CASZ1: variants seen among roughly 807,000 people sequenced by gnomAD.
CASZ1 encodes the protein castor zinc finger 1.
A neutral mutation model predicts 135.2 loss-of-function variants in CASZ1; 28 were observed. That is an observed-to-expected ratio of 0.21 (90% CI 0.15 to 0.28). CASZ1 has a LOEUF of 0.28. CASZ1 is among the 10% of genes least tolerant of loss of function. The pLI is 1.00. For missense variants in CASZ1, 2,161 were observed against 2,453.3 expected, an observed-to-expected ratio of 0.88 and a Z score of 2.52; for synonymous variants, 1,068 against 1,073.4, an observed-to-expected ratio of 0.99 and a Z score of 0.10.
rs1053146656 is a variant in CASZ1 at position 10,763,145 on chromosome 1, T to C, written c.-233-2288A>G. 3.9e-5 allele frequency among the ~76,000 whole-genome samples: 6 copies of C among 152,180 alleles called. No homozygotes were observed. In the East Asian group the frequency reaches 1.2e-3, roughly 29 times the overall value. On this transcript the variant is annotated intron_variant, in intron 1 of 20. Transcript: ENST00000377022. Reference sequence around the variant, plus strand: ...AAACCAGGGCACAGGCCGCGGGGCCTTCCATAAACTGAGGCTTTCCCACAG... The same window carrying C: ...AAACCAGGGCACAGGCCGCGGGGCCCTCCATAAACTGAGGCTTTCCCACAG...
chr1:10,642,766 G>T (rs531817266), intron 20 of CASZ1, 93 bp downstream of exon 20: 13 of 1,430,888 alleles, frequency 9.1e-6, no homozygotes, highest in Non-Finnish European at 1.2e-5. Flanking sequence ...CGGAGGCCGC[G>T]TGCCCCGGAC....
intron 1 of CASZ1, among the ~76,000 whole-genome samples, chr1:10,790,490 AC>A (rs1375743845): frequency 6.6e-6 from 1 of 152,166 alleles, no homozygotes; most frequent in Non-Finnish European, 1.5e-5. Context: ...TCTGATATAG[AC>A]ATCAAGAGGT....
intron 5 of CASZ1, 75 bp downstream of exon 5, chr1:10,665,007 TA>T: frequency 7.7e-6 from 11 of 1,436,856 alleles, no homozygotes; most frequent in Non-Finnish European, 1.0e-5. Context: ...CGGGTGTGCT[TA>T]CCAGACACAC....
At chr1:10,768,714 G>A (rs911266866) in intron 1 of CASZ1, among the ~76,000 whole-genome samples, 3 of 152,132 alleles carry the variant, frequency 2.0e-5, no homozygotes, top group African/African-American at 7.2e-5. Flanking sequence ...CCAATCAGCC[G>A]GCCGGGCTTG....
intron 2 of CASZ1, among the ~76,000 whole-genome samples, chr1:10,729,562 C>T (rs554409706): frequency 1.2e-4 from 19 of 152,244 alleles, no homozygotes; most frequent in Non-Finnish European, 2.6e-4. Flanking sequence ...CCCTGGGGGG[C>T]TTAGGGGAGC....
chr1:10,712,821 C>T (rs1639311794), intron 2 of CASZ1, among the ~76,000 whole-genome samples: 1 of 152,248 alleles, frequency 6.6e-6, no homozygotes, highest in Admixed American at 6.5e-5. Context: ...ACGGCCCAGC[C>T]AATCCATCTC....
chr1:10,783,871 C>CA (rs34487572), intron 1 of CASZ1, among the ~76,000 whole-genome samples: 33,806 of 79,020 alleles, frequency 0.43, 8,173 homozygotes, highest in Middle Eastern at 0.57. Flanking sequence ...GACTCCGTCT[C>CA]AAAAAAAAAA....
At chr1:10,648,331 C>G (rs77034865) in intron 15 of CASZ1, 192 bp from the exon 16 acceptor site, 57 of 518,812 alleles carry the variant, frequency 1.1e-4, no homozygotes, top group Non-Finnish European at 1.5e-4. Flanking sequence ...CCCCTGGTTC[C>G]GAACTTGGTC....
In CASZ1 at chr1:10,719,323, T is replaced by C. The variant is rs1418247476; in HGVS notation, c.-76-13779A>G. 2.6e-5 allele frequency among the ~76,000 whole-genome samples: 4 copies of C among 152,220 alleles called. No homozygotes were observed. The highest frequency in any genetic ancestry group is 9.7e-5 in the African/African-American group (4 of 41,446). On this transcript the variant is annotated intron_variant, in intron 2 of 20. Coordinates refer to ENST00000377022, the MANE Select transcript of CASZ1 (RefSeq NM_001079843.3). This position sits in a 1 kb window ranked among gnomAD's most constrained non-coding sequence, Gnocchi z 4.0. ...TAAGGCTGTTTCTCTTCTATTTGAA[T>C]CAAAAGCCCTCATTCTTTTGACCGT...
chr1:10,654,246 G>T, intron 10 of CASZ1, 28 bp from the exon 11 acceptor site: 1 of 1,609,088 alleles, frequency 6.2e-7, no homozygotes, highest in Non-Finnish European at 8.5e-7. Flanking sequence ...AGCCTGTCAT[G>T]AGACCCAGAG....
rs1013115762 is a variant in CASZ1 at position 10,762,568 on chromosome 1, C to A, written c.-233-1711G>T. Among the ~76,000 whole-genome samples the A allele has an allele frequency of 2.0e-5, 3 of 152,268 alleles. No homozygotes were observed. Among genetic ancestry groups the A allele is most frequent in the Non-Finnish European group, 4.4e-5 (3 of 68,024 alleles). On this transcript the variant is annotated intron_variant, in intron 1 of 20. Coordinates refer to ENST00000377022, the MANE Select transcript of CASZ1 (RefSeq NM_001079843.3). This position sits in a 1 kb window ranked among gnomAD's most constrained non-coding sequence, Gnocchi z 4.1. Reference sequence around the variant, plus strand: ...CGTCCACCCACAAAACTCCCCTGGGCTAGAAGAAGGCATGCCTTGGACCAC... The same window carrying A: ...CGTCCACCCACAAAACTCCCCTGGGATAGAAGAAGGCATGCCTTGGACCAC...
At position 10,665,255 on chromosome 1, in the gene CASZ1, G is replaced by C. The variant is rs550872926; in HGVS notation, c.333C>G (p.Arg111=). 4 of 1,607,394 alleles carry C rather than the reference G, an allele frequency of 2.5e-6. No individual in the cohort carries two copies. Among genetic ancestry groups the C allele is most frequent in the Non-Finnish European group, 3.4e-6 (4 of 1,175,980 alleles). Residue 111 remains arginine (R), a synonymous_variant, in exon 5 of 21, where the codon CGC becomes CGG. Transcript: ENST00000377022. ...CCTCGGGAGGCAGCTCCAGGCCCTC[G>C]CGGGCAATCCGCCCCAACACGGGTG... is the stretch of plus-strand genomic sequence containing the variant. ...APTPVLGRIA[R]EGLELPPEGV...
intron 2 of CASZ1, among the ~76,000 whole-genome samples, chr1:10,718,867 T>G (rs981139340): frequency 3.9e-5 from 6 of 152,180 alleles, no homozygotes; most frequent in African/African-American, 1.2e-4. Context: ...TCTTTCTTTT[T>G]CTTTTCTTTT....
chr1:10,718,742 A>G (rs1040253069), intron 2 of CASZ1, among the ~76,000 whole-genome samples: 4 of 152,234 alleles, frequency 2.6e-5, no homozygotes, highest in Non-Finnish European at 4.4e-5. Flanking sequence ...CCAGGCCCAC[A>G]ACGTCTCCAC....
intron 3 of CASZ1, among the ~76,000 whole-genome samples, chr1:10,698,708 G>A (rs1638996731): frequency 6.6e-6 from 1 of 152,088 alleles, no homozygotes; most frequent in Non-Finnish European, 1.5e-5. Context: ...GGGGAGGGCT[G>A]AGGGGGACTG....
In CASZ1 at chr1:10,657,263, C is replaced by T. The variant is rs537216529; in HGVS notation, c.1410-527G>A. On this transcript the variant is annotated intron_variant, in intron 7 of 20. Transcript: ENST00000377022. This position sits in a 1 kb window ranked among gnomAD's most constrained non-coding sequence, Gnocchi z 5.7. ...AACGAGCTCACTCTCCAGCCGCCGCCGCCACCGCCAGGAACCTGTGCTGCC... is the reference window on the plus strand; with the variant it reads ...AACGAGCTCACTCTCCAGCCGCCGCTGCCACCGCCAGGAACCTGTGCTGCC... Among the ~76,000 whole-genome samples the T allele has an allele frequency of 1.1e-4, 16 of 152,366 alleles. No individual in the cohort carries two copies. The highest frequency in any genetic ancestry group is 2.1e-4 in the South Asian group (1 of 4,832).
At chr1:10,689,615 T>C (rs1360444178) in intron 4 of CASZ1, among the ~76,000 whole-genome samples, 1 of 152,228 alleles carries the variant, frequency 6.6e-6, no homozygotes, top group African/African-American at 2.4e-5. Context: ...GGAAAGGCTA[T>C]GCTAGGCCTT....
intron 2 of CASZ1, among the ~76,000 whole-genome samples, chr1:10,714,514 C>A (rs1004233289): frequency 6.6e-6 from 1 of 152,198 alleles, no homozygotes; most frequent in African/African-American, 2.4e-5. Context: ...CTCCGGCCCA[C>A]GAGGCTGGAG....
intron 1 of CASZ1, among the ~76,000 whole-genome samples, chr1:10,765,167 A>G (rs1570573415): frequency 6.6e-6 from 1 of 152,130 alleles, no homozygotes; most frequent in East Asian, 1.9e-4. Context: ...CTTGATTTTC[A>G]CCTGGGGGAA....
Sources: gnomAD v4.1 joint callset for allele counts (sites outside exome capture counted in the v4.1 genomes callset) on GRCh38, gnomAD v4.1.1 for gene constraint, Gnocchi (gnomAD v3.1) non-coding constraint, MANE v1.5 for transcripts, NCBI Gene and HGNC (gene_info 2026-07-23, HGNC 2026-07-21) for gene names.